TNS2: variants seen among roughly 807,000 people sequenced by gnomAD.
The protein encoded by TNS2 is tensin 2, also known as tensin-2.
TNS2 carries 77 observed loss-of-function variants against 155.7 expected under a neutral mutation model. The ratio of observed to expected loss-of-function variants is 0.49; its 90% CI spans 0.41 to 0.60. The LOEUF (loss-of-function observed/expected upper bound fraction) is 0.60. Among genes scored for constraint, TNS2 ranks in the 20% least tolerant of loss-of-function variants. TNS2 has a pLI of 0.00. For missense variants in TNS2, 1,703 were observed against 1,868.8 expected, an observed-to-expected ratio of 0.91 and a Z score of 1.64; for synonymous variants, 726 against 763.9, an observed-to-expected ratio of 0.95 and a Z score of 0.82.
chr12:53,061,876 C>T lies in TNS2; in HGVS notation c.3510C>T (p.Phe1170=). 1 of 1,613,794 alleles carries T rather than the reference C, an allele frequency of 6.2e-7. No homozygotes were observed. Among genetic ancestry groups the T allele is most frequent in the South Asian group, 1.1e-5 (1 of 91,076 alleles). The change falls in exon 22 of 29, where the codon TTC becomes TTT. Residue 1170 remains phenylalanine, a synonymous_variant. Coordinates refer to ENST00000314250, the MANE Select transcript of TNS2 (RefSeq NM_170754.4). The part of the protein sequence containing the change: ...GAFLIRDSHS[F]QGAYGLALKV... ...TCCTGATCAGGGACAGTCATTCATT[C>T]CAAGGAGCTTATGGGCTGGCCCTCA...
At position 53,056,093 on chromosome 12, in the gene TNS2, C is replaced by T. The variant is rs895879736; in HGVS notation, c.761+248C>T. On this transcript the variant is annotated intron_variant, in intron 10 of 28. Coordinates refer to ENST00000314250, the MANE Select transcript of TNS2 (RefSeq NM_170754.4). ...GAAATGGGCCGGGTGCGTTGGCTCA[C>T]GCCTGTAATACCAGCACTTTGGGAG... 73 of 426,024 alleles carry T rather than the reference C, an allele frequency of 1.7e-4. 1 individual carries two copies. The South Asian group carries it at 1.7e-3, about 10-fold the overall frequency. 26.4% of individuals were successfully genotyped at this position (426,024 alleles called of 1,614,324 possible).
chr12:53,049,877 C>T (rs905966531), upstream of TNS2: 3 of 475,022 alleles, frequency 6.3e-6, no homozygotes, highest in Non-Finnish European at 1.1e-5. Context: ...TGTGGGACAA[C>T]TCCAGAGTTG....
At chr12:53,052,561 T>G in intron 3 of TNS2, 69 bp downstream of exon 3, 2 of 1,597,986 alleles carry the variant, frequency 1.3e-6, no homozygotes, top group Non-Finnish European at 1.7e-6. Flanking sequence ...AACAGGCTTC[T>G]GCAACCACAC....
intron 7 of TNS2, 113 bp from the exon 8 acceptor site, chr12:53,055,073 T>C: frequency 2.4e-6 from 3 of 1,275,456 alleles, no homozygotes; most frequent in South Asian, 1.3e-5. Context: ...CGTGAGTTAC[T>C]GCGACCGGCC....
At position 53,063,790 on chromosome 12, in the gene TNS2, G is replaced by T; in HGVS notation, c.4138G>T (p.Val1380Leu). ...GAAGCCGGGAAGCCCCTGGGAGAAT[G>T]TGTGTCACCTCTTTGCAGAGCTTGA... Reference protein sequence around the residue: ...AKKPGSPWENVCHLFAELDPD... With the variant: ...AKKPGSPWENLCHLFAELDPD... The change falls in exon 29 of 29, where the codon GTG (valine) becomes TTG (leucine). Residue 1380 changes from valine (V) to leucine (L), a missense_variant. Coordinates refer to ENST00000314250, the MANE Select transcript of TNS2 (RefSeq NM_170754.4). The surrounding 1 kb of genome is among the most constrained non-coding windows in gnomAD (Gnocchi z 5.6). 29 of 1,614,192 alleles carry T rather than the reference G, an allele frequency of 1.8e-5. No individual in the cohort carries two copies. Among genetic ancestry groups the T allele is most frequent in the Non-Finnish European group, 2.5e-5 (29 of 1,180,038 alleles).
In TNS2 at chr12:53,054,369, T is replaced by C; in HGVS notation, c.450T>C (p.Asp150=). 2 of 1,612,482 alleles carry C rather than the reference T, an allele frequency of 1.2e-6. No homozygotes were observed. The change falls in exon 7 of 29, where the codon GAT becomes GAC. Residue 150 remains aspartate, a synonymous_variant. Coordinates refer to ENST00000314250, the MANE Select transcript of TNS2 (RefSeq NM_170754.4). ...CCGCCGCCTTCCCCGCGCGGCCCGA[T>C]GAACAGCGGCACCGGGGCCACCTGC... ...ILAAAFPARP[D]EQRHRGHLRE...
Position 53,055,607 on chromosome 12 carries a change from CT to C in TNS2, c.614del (p.Leu205ArgfsTer93). On this transcript the variant is annotated frameshift_variant, in exon 9 of 29. Coordinates refer to ENST00000314250, the MANE Select transcript of TNS2 (RefSeq NM_170754.4). LOFTEE classifies it high-confidence loss of function. ...FGWPELHAPP[L>X]DKLCSICKAM... is the part of the protein sequence containing the mutation. ...CTGGCCTGAGCTGCATGCTCCACCC[CT>C]GGACAAGCTGTGCTCCATCTGCAAA... 1 of 1,613,234 alleles carries C rather than the reference CT, an allele frequency of 6.2e-7. No individual in the cohort carries two copies. The highest frequency in any genetic ancestry group is 8.5e-7 in the Non-Finnish European group (1 of 1,179,282).
At chr12:53,061,622 T>C in intron 21 of TNS2, 153 bp downstream of exon 21, 1 of 1,338,688 alleles carries the variant, frequency 7.5e-7, no homozygotes, top group Non-Finnish European at 1.0e-6. Context: ...TTCTGGGCTT[T>C]GGGCCAAGGC....
rs201485539 is a variant in TNS2, at chr12:53,050,252, G to T, written c.67G>T (p.Ala23Ser). ...GGGGAGGAGGGACAGCAGCCGGGCC[G>T]CAAGCAGGGTAGGAGTGCCCACCAG... ...ALGRRDSSRA[A>S]SRPRKAEPHS... Residue 23 changes from alanine (A) to serine (S), a missense_variant, in exon 1 of 29, where the codon GCA becomes TCA. By Grantham distance (99) the Ala-to-Ser change is moderately conservative. Transcript: ENST00000314250. The surrounding 1 kb of genome is among the most constrained non-coding windows in gnomAD (Gnocchi z 4.7). The T allele has an allele frequency of 6.2e-6, 10 of 1,606,786 alleles. No individual in the cohort carries two copies. The South Asian group carries it at 1.0e-4, about 16-fold the overall frequency.
In TNS2 at chr12:53,054,332, A is replaced by C; in HGVS notation, c.413A>C (p.Glu138Ala). The change falls in exon 7 of 29, where the codon GAG (glutamate) becomes GCG (alanine). Residue 138 changes from glutamate to alanine, a missense_variant. Coordinates refer to ENST00000314250, the MANE Select transcript of TNS2 (RefSeq NM_170754.4). Reference sequence around the variant, plus strand: ...GACTTAGACCTCACCTACGTGACGGAGCGCATCTTGGCCGCCGCCTTCCCC... The same window carrying C: ...GACTTAGACCTCACCTACGTGACGGCGCGCATCTTGGCCGCCGCCTTCCCC... ...RWDLDLTYVT[E>A]RILAAAFPAR... is the part of the protein sequence containing the mutation. 6.2e-7 allele frequency: 1 copy of C among 1,613,208 alleles called. No homozygotes were observed.
chr12:53,050,016 G>A (rs758246396), upstream of TNS2: 13 of 1,413,838 alleles, frequency 9.2e-6, no homozygotes, highest in Admixed American at 2.9e-5. The surrounding 1 kb of genome is among the most constrained non-coding windows in gnomAD (Gnocchi z 4.7). Context: ...CCCCCTTCCC[G>A]CCTGCACTTC....
chr12:53,057,699 G>C lies in TNS2; in HGVS notation c.958+20G>C, dbSNP rs747789711. 10 of 1,613,666 alleles carry C rather than the reference G, an allele frequency of 6.2e-6. No homozygotes were observed. The highest frequency in any genetic ancestry group is 7.6e-6 in the Non-Finnish European group (9 of 1,179,636). ...GCACAGGTGAGTCTGCCTGAGATGT[G>C]CTCCCTAGGGAGAACCACCTTCAGG... is the stretch of plus-strand genomic sequence containing the variant. On this transcript the variant is annotated intron_variant, in intron 12 of 28. Transcript: ENST00000314250.
chr12:53,050,395 C>T lies in TNS2; in HGVS notation c.75+135C>T, dbSNP rs1943888042. On this transcript the variant is annotated intron_variant, in intron 1 of 28. Transcript: ENST00000314250. This position sits in a 1 kb window ranked among gnomAD's most constrained non-coding sequence, Gnocchi z 4.7. ...GCCTTCTTCCCTGGCCCAGCATCCC[C>T]TCCGGAGTGGCCAGGGCTGTAGTGT... is the stretch of plus-strand genomic sequence containing the variant. 4 of 1,086,744 alleles carry T rather than the reference C, an allele frequency of 3.7e-6. No individual in the cohort carries two copies. In the African/African-American group the frequency reaches 6.4e-5, roughly 17 times the overall value. 67.3% of individuals were successfully genotyped at this position (1,086,744 alleles called of 1,614,324 possible). A position where few individuals can be genotyped will look rare whatever the true frequency, so the allele number is the denominator to read the frequency against.
Position 53,061,489 on chromosome 12 carries a change from C to T in TNS2, c.3448+20C>T. The T allele has an allele frequency of 6.2e-7, 1 of 1,612,648 alleles. No homozygotes were observed. ...ACCAAGGTGAGAAGCCAGCCTGCCC[C>T]CACCCCACTGCATCCCACCTTCCAG... On this transcript the variant is annotated intron_variant, in intron 21 of 28. Coordinates refer to ENST00000314250, the MANE Select transcript of TNS2 (RefSeq NM_170754.4).
chr12:53,061,220 T>C lies in TNS2; in HGVS notation c.3314T>C (p.Val1105Ala), dbSNP rs1944373965. The change falls in exon 20 of 29, where the codon GTC (valine) becomes GCC (alanine). Residue 1105 changes from valine to alanine, a missense_variant. Transcript: ENST00000314250. ...SSPARGISHH[V>A]TFAPLLSDNV... is the part of the protein sequence containing the mutation. ...CCAGCCAGAGGCATCAGTCACCATGTCACCTTCGCACCTCTGCTCTCAGAT... is the reference window on the plus strand; with the variant it reads ...CCAGCCAGAGGCATCAGTCACCATGCCACCTTCGCACCTCTGCTCTCAGAT... The C allele has an allele frequency of 4.5e-6, 7 of 1,572,924 alleles. No individual in the cohort carries two copies. Among genetic ancestry groups the C allele is most frequent in the Non-Finnish European group, 6.0e-6 (7 of 1,159,062 alleles).
At chr12:53,053,705 C>G (rs998783222) in intron 4 of TNS2, 69 bp from the exon 5 acceptor site, 2 of 1,589,356 alleles carry the variant, frequency 1.3e-6, no homozygotes, top group Non-Finnish European at 1.7e-6. Flanking sequence ...CCCCTGTCCC[C>G]AAGGCCCACA....
At chr12:53,053,348 C>G in intron 3 of TNS2, 63 bp from the exon 4 acceptor site, 2 of 1,595,720 alleles carry the variant, frequency 1.3e-6, no homozygotes, top group Non-Finnish European at 1.7e-6. Context: ...AGGGGCTGCC[C>G]CATCCTCAAG....
In TNS2 at chr12:53,057,555, G is replaced by A. The variant is rs745787022; in HGVS notation, c.846-12G>A. The A allele has an allele frequency of 3.4e-5, 55 of 1,596,738 alleles. No homozygotes were observed. Among genetic ancestry groups the A allele is most frequent in the African/African-American group, 3.2e-4 (24 of 74,582 alleles). On this transcript the variant is annotated splice_polypyrimidine_tract_variant and intron_variant, in intron 11 of 28. Transcript: ENST00000314250. Reference sequence around the variant, plus strand: ...AAAAGGCTTATGTTCTCCTTGACACGCCCTCCACCAGATATATCAGCTACT... The same window carrying A: ...AAAAGGCTTATGTTCTCCTTGACACACCCTCCACCAGATATATCAGCTACT...
Position 53,050,230 on chromosome 12 carries a change from G to A in TNS2, c.45G>A (p.Gly15=), listed in dbSNP as rs1335597118. 3.1e-6 allele frequency: 5 copies of A among 1,610,480 alleles called. No homozygotes were observed. The African/African-American group carries it at 4.0e-5, about 13-fold the overall frequency. The change falls in exon 1 of 29, where the codon GGG becomes GGA. Residue 15 remains glycine, a synonymous_variant. Transcript: ENST00000314250. The surrounding 1 kb of genome is among the most constrained non-coding windows in gnomAD (Gnocchi z 4.7). Reference sequence around the variant, plus strand: ...TGGAGAGGCTGCTCAGAGCCCTGGGGAGGAGGGACAGCAGCCGGGCCGCAA... The same window carrying A: ...TGGAGAGGCTGCTCAGAGCCCTGGGAAGGAGGGACAGCAGCCGGGCCGCAA... ...GPVERLLRAL[G]RRDSSRAASR...
Sources: gnomAD v4.1 joint callset for allele counts on GRCh38, gnomAD v4.1.1 for gene constraint, Gnocchi (gnomAD v3.1) non-coding constraint, MANE v1.5 for transcripts, NCBI Gene and HGNC (gene_info 2026-07-23, HGNC 2026-07-21) for gene names.